Variants in MBD5 observed in about 807,000 individuals in gnomAD.
The protein encoded by MBD5 is methyl-CpG binding domain protein 5, also known as methyl-CpG-binding domain protein 5.
Under a neutral mutation model 117.3 loss-of-function variants are expected in MBD5, and 13 were observed. The ratio of observed to expected loss-of-function variants is 0.11; its 90% CI spans 0.07 to 0.18. MBD5 has a LOEUF of 0.18. Ranked by LOEUF, MBD5 falls within the 10% of genes least tolerant of loss-of-function variation. The pLI is 1.00. For missense variants in MBD5, 1,879 were observed against 2,093.8 expected, an observed-to-expected ratio of 0.90 and a Z score of 2.00; for synonymous variants, 727 against 766.4, an observed-to-expected ratio of 0.95 and a Z score of 0.85.
chr2:148,320,267 A>G (rs1328585731), intron 3 of MBD5, among the ~76,000 whole-genome samples: 5 of 152,108 alleles, frequency 3.3e-5, no homozygotes, highest in Non-Finnish European at 7.3e-5. Context: ...AGTTAGATAG[A>G]ATTACCTCCT....
chr2:148,377,107 C>T lies in MBD5; in HGVS notation c.-557+34771C>T, dbSNP rs191448223. On this transcript the variant is annotated intron_variant, in intron 4 of 13. Transcript: ENST00000642680. ...GGGAGTTTATTAAGTAGTATTAACT[C>T]ACGCAATCACAAGATCCCACAATAG... Among the ~76,000 whole-genome samples the T allele has an allele frequency of 1.0e-3, 159 of 151,584 alleles. 1 individual carries two copies. The highest frequency in any genetic ancestry group is 3.4e-3 in the African/African-American group (142 of 41,278).
At chr2:148,319,779 TC>T (rs1702240642) in intron 3 of MBD5, among the ~76,000 whole-genome samples, 1 of 152,218 alleles carries the variant, frequency 6.6e-6, no homozygotes, top group South Asian at 2.1e-4. Context: ...GGCAAGGACT[TC>T]CGGTACTGTG....
intron 1 of MBD5, among the ~76,000 whole-genome samples, chr2:148,096,948 G>C (rs552354203): frequency 3.4e-4 from 51 of 152,162 alleles, no homozygotes; most frequent in African/African-American, 1.2e-3. Context: ...AAATATGGGG[G>C]AAGTTATTCA....
intron 1 of MBD5, among the ~76,000 whole-genome samples, chr2:148,141,784 C>T (rs983930106): frequency 4.0e-5 from 4 of 100,478 alleles, no homozygotes; most frequent in Non-Finnish European, 9.0e-5. Flanking sequence ...AGAGCAAGAC[C>T]CCGTCTCAAA....
chr2:148,250,345 A>G (rs1574193842), intron 3 of MBD5, among the ~76,000 whole-genome samples: 1 of 152,320 alleles, frequency 6.6e-6, no homozygotes, highest in African/African-American at 2.4e-5. Context: ...GAGGATCAGA[A>G]AAAATAACTA....
intron 12 of MBD5, among the ~76,000 whole-genome samples, chr2:148,506,893 C>A (rs1315322304): frequency 6.6e-6 from 1 of 152,144 alleles, no homozygotes; most frequent in East Asian, 1.9e-4. Flanking sequence ...TTGTTCATTT[C>A]TTGAATTCAT....
intron 1 of MBD5, chr2:148,055,192 T>C (rs1327132266): frequency 6.6e-6 from 1 of 152,114 alleles, no homozygotes; most frequent in Non-Finnish European, 1.5e-5. Context: ...AATTTTAACT[T>C]AGTAGAAATT....
At chr2:148,110,253 C>A (rs1379452701) in intron 1 of MBD5, among the ~76,000 whole-genome samples, 1 of 152,118 alleles carries the variant, frequency 6.6e-6, no homozygotes, top group Non-Finnish European at 1.5e-5. Flanking sequence ...GCTAGTGAGA[C>A]GTTGAGCCAG....
At chr2:148,202,414 C>T (rs533699002) in intron 2 of MBD5, among the ~76,000 whole-genome samples, 3 of 151,996 alleles carry the variant, frequency 2.0e-5, no homozygotes, top group African/African-American at 7.2e-5. Flanking sequence ...CAGAATGGAA[C>T]AGCAAATGTA....
intron 1 of MBD5, among the ~76,000 whole-genome samples, chr2:148,056,765 C>T (rs924975296): frequency 6.6e-5 from 10 of 151,778 alleles, no homozygotes; most frequent in Non-Finnish European, 8.8e-5. Flanking sequence ...TGAGTCCATA[C>T]GTTTTTTCTA....
In MBD5 at chr2:148,172,862, A is replaced by G. The variant is rs559858934; in HGVS notation, c.-924-5838A>G. On this transcript the variant is annotated intron_variant, in intron 1 of 13. Coordinates refer to ENST00000642680, the MANE Select transcript of MBD5 (RefSeq NM_001378120.1). Reference sequence around the variant, plus strand: ...CCCATTTCAGGTCTCCTCAGCTCTTAATTACCAGCCTGCAGAAATCAGCCA... The same window carrying G: ...CCCATTTCAGGTCTCCTCAGCTCTTGATTACCAGCCTGCAGAAATCAGCCA... Among the ~76,000 whole-genome samples the G allele has an allele frequency of 3.4e-4, 52 of 152,102 alleles. No individual in the cohort carries two copies. The South Asian group carries it at 4.8e-3, about 14-fold the overall frequency.
chr2:148,068,606 G>T (rs918624841), intron 1 of MBD5: 2 of 152,162 alleles, frequency 1.3e-5, no homozygotes, highest in Non-Finnish European at 2.9e-5. Context: ...AACTTCTGTG[G>T]CAAAAAGTCT....
intron 1 of MBD5, among the ~76,000 whole-genome samples, chr2:148,108,015 C>T (rs889635775): frequency 6.6e-6 from 1 of 152,070 alleles, no homozygotes; most frequent in African/African-American, 2.4e-5. Context: ...ATTCAAACTA[C>T]AGACTTCAAT....
intron 4 of MBD5, among the ~76,000 whole-genome samples, chr2:148,361,241 T>TGG (rs1703524797): frequency 6.6e-6 from 1 of 152,060 alleles, no homozygotes; most frequent in Non-Finnish European, 1.5e-5. Flanking sequence ...TCCTAGCTAC[T>TGG]GGGGAGGCTG....
At chr2:148,477,068 A>G (rs763033875) in intron 8 of MBD5, among the ~76,000 whole-genome samples, 2 of 152,174 alleles carry the variant, frequency 1.3e-5, no homozygotes, top group Non-Finnish European at 2.9e-5. Context: ...GTTAATTCCA[A>G]CAGTTTTCAG....
At chr2:148,168,244 C>T (rs1698175023) in intron 1 of MBD5, among the ~76,000 whole-genome samples, 1 of 152,056 alleles carries the variant, frequency 6.6e-6, no homozygotes, top group South Asian at 2.1e-4. Flanking sequence ...CTTCAATAGC[C>T]CTGTCTCTTA....
chr2:148,270,971 T>C (rs1483444441), intron 3 of MBD5, among the ~76,000 whole-genome samples: 2 of 152,156 alleles, frequency 1.3e-5, no homozygotes, highest in Non-Finnish European at 2.9e-5. Flanking sequence ...AATGTATTTA[T>C]TTACCAGTAT....
At chr2:148,182,822 T>C (rs767028850) in intron 2 of MBD5, among the ~76,000 whole-genome samples, 12 of 152,176 alleles carry the variant, frequency 7.9e-5, no homozygotes, top group African/African-American at 1.7e-4. Flanking sequence ...TGAGCCCACA[T>C]TGACATTCAC....
At chr2:148,367,880 G>T (rs1016334309) in intron 4 of MBD5, among the ~76,000 whole-genome samples, 2 of 152,182 alleles carry the variant, frequency 1.3e-5, no homozygotes, top group African/African-American at 4.8e-5. Context: ...CCATTGGTGG[G>T]AGTGTAAATT....
Sources: allele counts gnomAD v4.1 joint callset (sites outside exome capture counted in the v4.1 genomes callset), GRCh38; gene constraint gnomAD v4.1.1; transcripts MANE v1.5; gene names NCBI Gene and HGNC (gene_info 2026-07-23, HGNC 2026-07-21).